Variants in CEP112 observed in about 807,000 individuals in gnomAD.
The protein encoded by CEP112 is centrosomal protein of 112 kDa.
CEP112 carries 127 observed loss-of-function variants against 153.0 expected under a neutral mutation model. The ratio of observed to expected loss-of-function variants is 0.83; its 90% confidence interval spans 0.72 to 0.96. The LOEUF (loss-of-function observed/expected upper bound fraction) is 0.96. Among genes scored for constraint, CEP112 ranks in the 40% least tolerant of loss-of-function variants. The probability of loss-of-function intolerance (pLI) is 0.00; values close to 1 mark genes in which losing one functional copy is unlikely to be tolerated. For missense variants in CEP112, 1,089 were observed against 1,101.2 expected (o/e 0.99, Z 0.16); for synonymous variants, 358 against 374.4 (o/e 0.96, Z 0.51).
intron 6 of CEP112, among the ~76,000 whole-genome samples, chr17:66,108,098 G>A (rs975234416): frequency 3.9e-5 from 6 of 152,062 alleles, no homozygotes; most frequent in Non-Finnish European, 8.8e-5. Flanking sequence ...ATATCCACAT[G>A]CAAAACAATG....
chr17:65,655,778 A>G (rs560172917), intron 24 of CEP112, among the ~76,000 whole-genome samples: 76 of 152,306 alleles, frequency 5.0e-4, no homozygotes, highest in African/African-American at 1.8e-3. Flanking sequence ...AAAAAGATTG[A>G]GGTTGTGATG....
At chr17:65,908,209 C>A (rs1288763778) in intron 19 of CEP112, among the ~76,000 whole-genome samples, 1 of 152,048 alleles carries the variant, frequency 6.6e-6, no homozygotes, top group Admixed American at 6.5e-5. Flanking sequence ...GGGTATGTGC[C>A]CACCCTAAAC....
At chr17:66,132,093 C>T (rs1376449573) in intron 5 of CEP112, among the ~76,000 whole-genome samples, 1 of 133,568 alleles carries the variant, frequency 7.5e-6, no homozygotes, top group African/African-American at 2.8e-5. Context: ...GGCTTGAACC[C>T]GGGAGGCGGA....
intron 16 of CEP112, among the ~76,000 whole-genome samples, chr17:66,027,132 T>A (rs1270577112): frequency 6.6e-6 from 1 of 152,198 alleles, no homozygotes; most frequent in Non-Finnish European, 1.5e-5. Flanking sequence ...ATCCCAGCAC[T>A]TTGGGAGGCC....
chr17:65,668,531 T>C (rs1330629535), intron 24 of CEP112, among the ~76,000 whole-genome samples: 14 of 152,168 alleles, frequency 9.2e-5, no homozygotes, highest in Non-Finnish European at 5.9e-5. Context: ...ATATAATTCA[T>C]AACCGCGAGG....
At chr17:65,946,700 CTGT>C (rs1176853806) in intron 18 of CEP112, among the ~76,000 whole-genome samples, 2 of 152,054 alleles carry the variant, frequency 1.3e-5, no homozygotes, top group East Asian at 1.9e-4. Flanking sequence ...TAAAATGGCA[CTGT>C]TAAGATTTTG....
intron 4 of CEP112, among the ~76,000 whole-genome samples, chr17:66,162,079 A>G (rs2071736401): frequency 6.6e-6 from 1 of 152,206 alleles, no homozygotes; most frequent in Non-Finnish European, 1.5e-5. Flanking sequence ...TGCAATACAT[A>G]TATTCAACAC....
chr17:66,177,459 G>T (rs1418702343), intron 2 of CEP112, among the ~76,000 whole-genome samples: 7 of 152,126 alleles, frequency 4.6e-5, no homozygotes, highest in African/African-American at 1.7e-4. Context: ...GTACACAGTA[G>T]ATATATATAT....
intron 8 of CEP112, among the ~76,000 whole-genome samples, chr17:66,077,724 TAATCACAA>T (rs2067555910): frequency 6.6e-6 from 1 of 152,156 alleles, no homozygotes; most frequent in Admixed American, 6.5e-5. Flanking sequence ...CTTGGGAAAT[TAATCACAA>T]AAAGATCATC....
At chr17:65,647,814 C>G (rs1312224754) in intron 24 of CEP112, among the ~76,000 whole-genome samples, 1 of 151,976 alleles carries the variant, frequency 6.6e-6, no homozygotes, top group Non-Finnish European at 1.5e-5. Flanking sequence ...CCACCTCTGA[C>G]CCAGGCTGTG....
intron 21 of CEP112, among the ~76,000 whole-genome samples, chr17:65,802,140 T>C (rs2055317314): frequency 6.6e-6 from 1 of 152,148 alleles, no homozygotes; most frequent in Non-Finnish European, 1.5e-5. Flanking sequence ...GGCTAGTTAG[T>C]GGTCAGCTAA....
intron 23 of CEP112, among the ~76,000 whole-genome samples, chr17:65,698,343 G>GT (rs1265528905): frequency 4.6e-5 from 7 of 152,116 alleles, no homozygotes; most frequent in Admixed American, 3.9e-4. Context: ...AGTTTTTCTT[G>GT]TTTGTTATTC....
At chr17:65,884,213 GA>G (rs1234916276) in intron 20 of CEP112, among the ~76,000 whole-genome samples, 1 of 152,212 alleles carries the variant, frequency 6.6e-6, no homozygotes, top group Admixed American at 6.5e-5. Context: ...AGCTAGTGGA[GA>G]AAACAGAAAC....
At chr17:65,800,632 G>A (rs1294029102) in intron 21 of CEP112, among the ~76,000 whole-genome samples, 1 of 152,174 alleles carries the variant, frequency 6.6e-6, no homozygotes, top group Non-Finnish European at 1.5e-5. Flanking sequence ...TCCCCTAGGA[G>A]AGGAAATGCT....
intron 23 of CEP112, among the ~76,000 whole-genome samples, chr17:65,696,565 C>A (rs1400922632): frequency 6.6e-6 from 1 of 152,078 alleles, no homozygotes; most frequent in South Asian, 2.1e-4. Flanking sequence ...AAACAAGGAA[C>A]CAGATGAACC....
intron 18 of CEP112, 117 bp downstream of exon 18, chr17:65,961,346 G>T: frequency 2.0e-6 from 2 of 1,001,518 alleles, no homozygotes; most frequent in East Asian, 2.5e-5. Flanking sequence ...CGATTGTATG[G>T]CTAATTTTGA....
chr17:65,855,941 G>A (rs1025010599), intron 20 of CEP112, among the ~76,000 whole-genome samples: 2 of 152,068 alleles, frequency 1.3e-5, no homozygotes, highest in Admixed American at 6.6e-5. Context: ...GGGTGTGCCT[G>A]TAGTCCCAGC....
intron 24 of CEP112, among the ~76,000 whole-genome samples, chr17:65,649,376 C>A (rs921328852): frequency 1.3e-5 from 2 of 152,014 alleles, no homozygotes; most frequent in Non-Finnish European, 1.5e-5. Flanking sequence ...TCTGCATAGT[C>A]CTTTATTATC....
At chr17:66,040,500 T>TC (rs1555779537) in intron 12 of CEP112, among the ~76,000 whole-genome samples, 7 of 149,416 alleles carry the variant, frequency 4.7e-5, no homozygotes, top group Admixed American at 2.0e-4. Flanking sequence ...TTTTCTTTTT[T>TC]TTTTTTTTTG....
Sources: allele counts gnomAD v4.1 joint callset (sites outside exome capture counted in the v4.1 genomes callset), GRCh38; gene constraint gnomAD v4.1.1; transcripts MANE v1.5; gene names NCBI Gene and HGNC (gene_info 2026-07-23, HGNC 2026-07-21).